Variants in GLDC observed in about 807,000 individuals in gnomAD.
The protein encoded by GLDC is glycine decarboxylase, also known as glycine dehydrogenase (decarboxylating), mitochondrial.
A neutral mutation model predicts 121.3 loss-of-function variants in GLDC; 104 were observed. That is an observed-to-expected ratio of 0.86 (90% CI 0.73 to 1.01). The LOEUF is 1.01. Ranked by LOEUF, GLDC falls within the 50% of genes least tolerant of loss-of-function variation. The pLI is 0.00. For synonymous variants in GLDC, 546 were observed against 480.6 expected (o/e 1.14, Z -1.78); for missense variants, 1,429 against 1,306.6 (o/e 1.09, Z -1.44).
intron 2 of GLDC, among the ~76,000 whole-genome samples, chr9:6,640,664 T>C (rs1248315673): frequency 6.6e-6 from 1 of 152,234 alleles, no homozygotes; most frequent in Non-Finnish European, 1.5e-5. Flanking sequence ...ACAAGCAATG[T>C]GCAATTTTGT....
rs1033208469 is a variant in GLDC, at chr9:6,535,924, C to T, written c.2838+140G>A. The T allele has an allele frequency of 8.9e-6, 7 of 783,840 alleles. No individual in the cohort carries two copies. In the African/African-American group the frequency reaches 1.2e-4, roughly 13 times the overall value. The allele number at this position is 783,840 out of a possible 1,614,324, so 48.6% of individuals were successfully genotyped here. On this transcript the variant is annotated intron_variant, in intron 23 of 24. Transcript: ENST00000321612. Reference sequence around the variant, plus strand: ...GACGATGGAAACTTCAAAGTAACAACTGCATCTTCTCAGAAGAATTACCTT... The same window carrying T: ...GACGATGGAAACTTCAAAGTAACAATTGCATCTTCTCAGAAGAATTACCTT...
At chr9:6,607,345 G>C (rs1035309823) in intron 4 of GLDC, among the ~76,000 whole-genome samples, 1 of 152,190 alleles carries the variant, frequency 6.6e-6, no homozygotes, top group Admixed American at 6.5e-5. Context: ...CACTACGGGA[G>C]GCCGAGGTGC....
chr9:6,620,393 C>T (rs1819066847), intron 2 of GLDC, 74 bp from the exon 3 acceptor site: 2 of 1,288,140 alleles, frequency 1.6e-6, no homozygotes, highest in African/African-American at 1.5e-5. Context: ...TTAAATCCCT[C>T]ATTTTGTTTG....
chr9:6,534,636 G>A (rs1187053878), intron 24 of GLDC, 72 bp downstream of exon 24: 1 of 788,130 alleles, frequency 1.3e-6, no homozygotes, highest in South Asian at 1.4e-5. Flanking sequence ...ATGAGGCTAA[G>A]AGCGTACACC....
chr9:6,547,690 T>A (rs906571188), intron 21 of GLDC, among the ~76,000 whole-genome samples: 6 of 152,214 alleles, frequency 3.9e-5, no homozygotes, highest in Non-Finnish European at 8.8e-5. Flanking sequence ...GGCCACATTG[T>A]AATAAATGCA....
chr9:6,598,965 G>A (rs1818544419), intron 8 of GLDC, among the ~76,000 whole-genome samples: 1 of 152,092 alleles, frequency 6.6e-6, no homozygotes, highest in Non-Finnish European at 1.5e-5. Flanking sequence ...CGGATCACCT[G>A]AGGTCAGGAG....
chr9:6,591,873 G>A (rs1318700513), intron 11 of GLDC: 2 of 320,248 alleles, frequency 6.2e-6, no homozygotes, highest in East Asian at 1.4e-4. Flanking sequence ...TTACAGGCAT[G>A]AGCCACCATC....
intron 2 of GLDC, among the ~76,000 whole-genome samples, chr9:6,635,958 C>T (rs1015502082): frequency 6.6e-6 from 1 of 152,072 alleles, no homozygotes; most frequent in Non-Finnish European, 1.5e-5. Flanking sequence ...CTACAGTTGT[C>T]TAAACCCCTA....
rs142087589 is a variant in GLDC at position 6,604,344 on chromosome 9, C to G, written c.1058+244G>C. 2.9e-4 allele frequency among the ~76,000 whole-genome samples: 44 copies of G among 152,208 alleles called. 1 individual carries two copies. In the East Asian group the frequency reaches 8.5e-3, roughly 29 times the overall value. ...AGGCGTCCATCAATCTAAGCAAATGCGTTACATGACTTCGATACATTGTAA... is the reference window on the plus strand; with the variant it reads ...AGGCGTCCATCAATCTAAGCAAATGGGTTACATGACTTCGATACATTGTAA... On this transcript the variant is annotated intron_variant, in intron 7 of 24. Coordinates refer to ENST00000321612, the MANE Select transcript of GLDC (RefSeq NM_000170.3).
chr9:6,589,253 T>C lies in GLDC; in HGVS notation c.1522A>G (p.Ile508Val). 6.2e-7 allele frequency: 1 copy of C among 1,611,214 alleles called. No homozygotes were observed. Among genetic ancestry groups the C allele is most frequent in the Non-Finnish European group, 8.5e-7 (1 of 1,177,344 alleles). Residue 508 changes from isoleucine to valine, a missense_variant, in exon 12 of 25, where the codon ATT becomes GTT. Transcript: ENST00000321612. Reference protein sequence around the residue: ...AESMGEECRGIPGSVFKRTSP... With the variant: ...AESMGEECRGVPGSVFKRTSP... ...GTCCTCTTGAACACAGACCCTGGAA[T>C]ACCTCTGCACTCCTCTCCCATGCTT...
chr9:6,574,115 A>C (rs984372259), intron 15 of GLDC, among the ~76,000 whole-genome samples: 1 of 152,204 alleles, frequency 6.6e-6, no homozygotes, highest in African/African-American at 2.4e-5. Flanking sequence ...TAGATAAATC[A>C]GCTGGTATCA....
intron 6 of GLDC, 142 bp from the exon 7 acceptor site, chr9:6,604,926 G>A: frequency 1.1e-6 from 1 of 878,710 alleles, no homozygotes. Context: ...CATTCATTCA[G>A]TAAATACATA....
intron 8 of GLDC, among the ~76,000 whole-genome samples, chr9:6,596,435 T>C (rs766407799): frequency 2.6e-5 from 4 of 152,182 alleles, no homozygotes; most frequent in African/African-American, 4.8e-5. Flanking sequence ...CTTTCACAAA[T>C]TGAACAAACT....
chr9:6,585,868 G>GTATCTATCTATCTATCTATC (rs1214635048), intron 15 of GLDC, among the ~76,000 whole-genome samples: 1 of 116,356 alleles, frequency 8.6e-6, no homozygotes, highest in African/African-American at 2.8e-5. Context: ...ATGTATGTAT[G>GTATCTATCTATCTATCTATC]TATCTATCTA....
intron 2 of GLDC, chr9:6,639,340 A>G (rs1651642640): frequency 2.1e-6 from 2 of 936,538 alleles, no homozygotes; most frequent in Non-Finnish European, 1.7e-6. Flanking sequence ...GAGCGCCCCC[A>G]GGAGAAACAA....
At chr9:6,625,952 C>T (rs1379765612) in intron 2 of GLDC, among the ~76,000 whole-genome samples, 4 of 152,030 alleles carry the variant, frequency 2.6e-5, no homozygotes, top group East Asian at 1.9e-4. Context: ...CCCTGGAGCT[C>T]GGGGCTAGAA....
intron 16 of GLDC, among the ~76,000 whole-genome samples, chr9:6,561,837 T>G (rs1007265695): frequency 6.6e-6 from 1 of 152,162 alleles, no homozygotes; most frequent in African/African-American, 2.4e-5. Flanking sequence ...ACTTGTTGAA[T>G]GAGTGAAGGG....
chr9:6,630,208 G>A (rs1004932079), intron 2 of GLDC, among the ~76,000 whole-genome samples: 2 of 152,056 alleles, frequency 1.3e-5, no homozygotes, highest in East Asian at 3.9e-4. Context: ...GGCGGAGCTT[G>A]CAGTGAGCCG....
chr9:6,620,217 G>T lies in GLDC; in HGVS notation c.437C>A (p.Thr146Lys), dbSNP rs376578742. The change falls in exon 3 of 25, where the codon ACG becomes AAG. Residue 146 changes from threonine to lysine, a missense_variant. Physicochemically the swap from Thr to Lys is moderately conservative, Grantham distance 78. Transcript: ENST00000321612. ...MGYYNCSVPQ[T>K]ILRNLLENSG... Reference sequence around the variant, plus strand: ...GTTCTCCAGTAAGTTCCGCAAAATCGTCTGTGGCACTGAGCAGTTATAATA... The same window carrying T: ...GTTCTCCAGTAAGTTCCGCAAAATCTTCTGTGGCACTGAGCAGTTATAATA... 3 of 1,613,496 alleles carry T rather than the reference G, an allele frequency of 1.9e-6. No homozygotes were observed. Among genetic ancestry groups the T allele is most frequent in the Non-Finnish European group, 2.5e-6 (3 of 1,179,760 alleles).
Sources: gnomAD v4.1 joint callset for allele counts (sites outside exome capture counted in the v4.1 genomes callset) on GRCh38, gnomAD v4.1.1 for gene constraint, MANE v1.5 for transcripts, NCBI Gene and HGNC (gene_info 2026-07-23, HGNC 2026-07-21) for gene names.